USH1C: variants seen among roughly 807,000 people sequenced by gnomAD.
USH1C encodes USH1 protein network component harmonin, also known as harmonin.
In USH1C, 90 loss-of-function variants were observed where a neutral mutation model predicts 119.3. The observed-to-expected ratio is 0.75, with a 90% CI of 0.64 to 0.90. The LOEUF (loss-of-function observed/expected upper bound fraction) is 0.90, where lower values mean the gene tolerates loss of function less well. USH1C is among the 40% of genes least tolerant of loss of function. USH1C has a pLI of 0.00. For missense variants in USH1C, 1,165 were observed against 1,167.7 expected, an observed-to-expected ratio of 1.00 and a Z score of 0.03; for synonymous variants, 465 against 443.3, an observed-to-expected ratio of 1.05 and a Z score of -0.62.
intron 13 of USH1C, 128 bp from the exon 14 acceptor site, chr11:17,521,122 T>C: frequency 1.5e-6 from 2 of 1,328,840 alleles, no homozygotes; most frequent in Non-Finnish European, 1.1e-6. Context: ...TCAAGCAAAG[T>C]CCCCGAGCTT....
In USH1C at chr11:17,494,491, C is replaced by T. The variant is rs2072227; in HGVS notation, c.2656-115G>A. 549,665 of 1,219,194 alleles carry T rather than the reference C, an allele frequency of 0.45. 126,853 individuals are homozygous for T. Among genetic ancestry groups the T allele is most frequent in the Non-Finnish European group, 0.47 (400,223 of 846,404 alleles). The allele number at this position is 1,219,194 out of a possible 1,614,324, so 75.5% of individuals were successfully genotyped here. A position where few individuals can be genotyped will look rare whatever the true frequency, so the allele number is the denominator to read the frequency against. On this transcript the variant is annotated intron_variant, in intron 26 of 26. Transcript: ENST00000005226. Reference sequence around the variant, plus strand: ...CCCACTCTGGCAGCACAAGGCCCTGCCACCCTTTGGAGACCCCTCTGGGTG... The same window carrying T: ...CCCACTCTGGCAGCACAAGGCCCTGTCACCCTTTGGAGACCCCTCTGGGTG...
chr11:17,537,603 C>T (rs771051637), intron 1 of USH1C, among the ~76,000 whole-genome samples: 4 of 152,070 alleles, frequency 2.6e-5, no homozygotes, highest in African/African-American at 7.2e-5. Flanking sequence ...CAATTCATCA[C>T]AAAAAAGTAG....
Position 17,521,014 on chromosome 11 carries a change from C to G in USH1C, c.1086-20G>C. ...ACAATCCTAAAATGAGACCCCCATG[C>G]CTGTTACTGGAGTCAGAACCCCCAT... On this transcript the variant is annotated intron_variant, in intron 13 of 26. Transcript: ENST00000005226. The G allele has an allele frequency of 1.2e-6, 2 of 1,613,886 alleles. No individual in the cohort carries two copies. The highest frequency in any genetic ancestry group is 1.7e-6 in the Non-Finnish European group (2 of 1,179,920).
intron 18 of USH1C, among the ~76,000 whole-genome samples, chr11:17,508,389 C>G (rs534110730): frequency 6.6e-6 from 1 of 152,292 alleles, no homozygotes; most frequent in African/African-American, 2.4e-5. Context: ...GATGCTTGTC[C>G]TGCTCTCCAC....
In USH1C at chr11:17,544,411, G is replaced by A. The variant is rs1316282404; in HGVS notation, c.-104C>T. 6 of 1,532,950 alleles carry A rather than the reference G, an allele frequency of 3.9e-6. No individual in the cohort carries two copies. The highest frequency in any genetic ancestry group is 5.4e-6 in the Non-Finnish European group (6 of 1,117,850). 95.0% of individuals were successfully genotyped at this position (1,532,950 alleles called of 1,614,324 possible). The stretch of plus-strand genomic sequence containing the variant: ...GACCGCGACCGGGCCAGCCGCCCTC[G>A]GAGCTGGGGGCGGGGCCTGAGCGCG... On this transcript the variant is annotated 5_prime_UTR_variant, in exon 1 of 27. Transcript: ENST00000005226.
chr11:17,525,150 T>A (rs920663923), intron 8 of USH1C, among the ~76,000 whole-genome samples: 1 of 152,316 alleles, frequency 6.6e-6, no homozygotes, highest in East Asian at 1.9e-4. Flanking sequence ...CAGCACTCTT[T>A]CCCACAATCC....
intron 1 of USH1C, among the ~76,000 whole-genome samples, chr11:17,535,731 C>A (rs148539520): frequency 1.3e-5 from 2 of 152,154 alleles, no homozygotes; most frequent in South Asian, 2.1e-4. Flanking sequence ...ATGCCCCATG[C>A]GGTGGCACCA....
At position 17,521,333 on chromosome 11, in the gene USH1C, C is replaced by T. The variant is rs199960136; in HGVS notation, c.1085+13G>A. On this transcript the variant is annotated intron_variant, in intron 13 of 26. Transcript: ENST00000005226. ...TGTTCATGCACAGACACGCGTGGAG[C>T]CGAGGTACTCACTGTTCCATCTCCT... 3.1e-6 allele frequency: 5 copies of T among 1,613,988 alleles called. No individual in the cohort carries two copies. The highest frequency in any genetic ancestry group is 1.1e-5 in the South Asian group (1 of 91,074).
chr11:17,521,604 TG>T (rs1456003196), intron 12 of USH1C, among the ~76,000 whole-genome samples, 193 bp from the exon 13 acceptor site: 1 of 152,162 alleles, frequency 6.6e-6, no homozygotes, highest in Non-Finnish European at 1.5e-5. Context: ...TGGTTTTGTC[TG>T]GCATGGCTGA....
rs140424216 is a variant in USH1C at position 17,522,838 on chromosome 11, C to T, written c.965G>A (p.Arg322Gln). 1.5e-4 allele frequency: 238 copies of T among 1,613,724 alleles called. No individual in the cohort carries two copies. The highest frequency in any genetic ancestry group is 3.3e-4 in the Middle Eastern group (2 of 6,052). ...GATCTTGTTGGACTCCATCGCCAGC[C>T]GCTTCTGCATGAGAAGCTCCTGCCG... is the stretch of plus-strand genomic sequence containing the variant. Reference protein sequence around the residue: ...LQRQELLMQKRLAMESNKILQ... With the variant: ...LQRQELLMQKQLAMESNKILQ... The change falls in exon 12 of 27, where the codon CGG becomes CAG. Residue 322 changes from arginine to glutamine, a missense_variant. By Grantham distance (43) the Arg-to-Gln change is conservative. Coordinates refer to ENST00000005226, the MANE Select transcript of USH1C (RefSeq NM_153676.4).
intron 14 of USH1C, chr11:17,517,445 G>T (rs990375361): frequency 1.3e-6 from 2 of 1,596,108 alleles, no homozygotes; most frequent in Middle Eastern, 1.7e-4. Flanking sequence ...TCATCTGCGG[G>T]CTCGAGCTCA....
intron 17 of USH1C, 38 bp downstream of exon 17, chr11:17,510,367 C>T: frequency 1.3e-6 from 2 of 1,546,494 alleles, no homozygotes; most frequent in Non-Finnish European, 1.8e-6. Context: ...ATTCTGAAGA[C>T]AGCAGGAGGG....
At chr11:17,503,597 A>T (rs1354915367) in intron 20 of USH1C, among the ~76,000 whole-genome samples, 1 of 152,140 alleles carries the variant, frequency 6.6e-6, no homozygotes, top group Non-Finnish European at 1.5e-5. Context: ...TCTCCCTGTG[A>T]GGGCTGTTTG....
intron 23 of USH1C, among the ~76,000 whole-genome samples, chr11:17,498,960 A>G (rs1252853593): frequency 6.6e-6 from 1 of 152,246 alleles, no homozygotes; most frequent in Non-Finnish European, 1.5e-5. Context: ...GGACCTCAGT[A>G]GATATTTGTT....
chr11:17,511,514 C>G (rs957687844), intron 16 of USH1C, among the ~76,000 whole-genome samples: 4 of 152,196 alleles, frequency 2.6e-5, no homozygotes, highest in African/African-American at 9.6e-5. Context: ...CAGCCTTAGA[C>G]TCTGGTGGGG....
intron 4 of USH1C, among the ~76,000 whole-genome samples, chr11:17,528,103 T>G (rs1565059746): frequency 6.6e-6 from 1 of 152,242 alleles, no homozygotes; most frequent in South Asian, 2.1e-4. Context: ...CCAAGGTTGC[T>G]GTGAGAATTA....
chr11:17,494,126 G>A lies in USH1C; in HGVS notation c.*206C>T. ...CCTTGAGATCTTCTCCCAAATGGCT[G>A]GCTGCTCCCTTTCCTCCACGTTGGC... is the stretch of plus-strand genomic sequence containing the variant. On this transcript the variant is annotated 3_prime_UTR_variant, in exon 27 of 27. Coordinates refer to ENST00000005226, the MANE Select transcript of USH1C (RefSeq NM_153676.4). The A allele has an allele frequency of 3.2e-6, 2 of 624,470 alleles. No homozygotes were observed. The allele number at this position is 624,470 out of a possible 1,614,324, so 38.7% of individuals were successfully genotyped here.
At chr11:17,507,548 A>G (rs1050405214) in intron 18 of USH1C, among the ~76,000 whole-genome samples, 8 of 152,210 alleles carry the variant, frequency 5.3e-5, no homozygotes, top group Non-Finnish European at 8.8e-5. Context: ...ACCATAGTTA[A>G]TGTCTACTGA....
At chr11:17,535,911 T>C (rs532139468) in intron 1 of USH1C, among the ~76,000 whole-genome samples, 1 of 152,322 alleles carries the variant, frequency 6.6e-6, no homozygotes, top group East Asian at 1.9e-4. Flanking sequence ...CCAAAGCCCA[T>C]GTTCTTTCTG....
Sources: allele counts gnomAD v4.1 joint callset (sites outside exome capture counted in the v4.1 genomes callset), GRCh38; gene constraint gnomAD v4.1.1; transcripts MANE v1.5; gene names NCBI Gene and HGNC (gene_info 2026-07-23, HGNC 2026-07-21).